The following SYNPR variants were observed in gnomAD, a reference collection of about 807,000 sequenced individuals.
The protein encoded by SYNPR is synaptoporin.
A neutral mutation model predicts 32.9 loss-of-function variants in SYNPR; 23 were observed. The observed-to-expected ratio is 0.70, with a 90% CI of 0.50 to 0.99. The LOEUF (loss-of-function observed/expected upper bound fraction) is 0.99. Among genes scored for constraint, SYNPR ranks in the 50% least tolerant of loss-of-function variants. SYNPR has a pLI of 0.00. For synonymous variants in SYNPR, 146 were observed against 135.9 expected (o/e 1.07, Z -0.52); for missense variants, 318 against 349.3 (o/e 0.91, Z 0.71).
intron 3 of SYNPR, among the ~76,000 whole-genome samples, chr3:63,519,877 A>G (rs1701872678): frequency 6.6e-6 from 1 of 152,264 alleles, no homozygotes; most frequent in African/African-American, 2.4e-5. Context: ...TAACCAAAAA[A>G]GAAAGTATAA....
intron 3 of SYNPR, among the ~76,000 whole-genome samples, chr3:63,547,088 G>T (rs899531441): frequency 6.6e-6 from 1 of 152,022 alleles, no homozygotes; most frequent in East Asian, 1.9e-4. Context: ...AATCCCTGAG[G>T]TTCTCCTAGA....
intron 3 of SYNPR, among the ~76,000 whole-genome samples, chr3:63,520,926 C>G (rs1359533502): frequency 4.4e-5 from 1 of 22,800 alleles, no homozygotes; most frequent in Non-Finnish European, 6.8e-5. Flanking sequence ...TCTTTGGGGC[C>G]CCGTTTTTTG....
At chr3:63,239,455 G>A (rs1327135306) in intron 1 of SYNPR, among the ~76,000 whole-genome samples, 3 of 149,408 alleles carry the variant, frequency 2.0e-5, no homozygotes, top group Non-Finnish European at 4.4e-5. Flanking sequence ...ACCTTACCAT[G>A]AGTGCATGGT....
At chr3:63,274,047 A>T (rs2106911367), upstream of SYNPR, among the ~76,000 whole-genome samples, 1 of 152,328 alleles carries the variant, frequency 6.6e-6, no homozygotes, top group South Asian at 2.1e-4. Flanking sequence ...TTACCTAAGG[A>T]AAGATTTGGA....
chr3:63,417,217 T>A (rs549392456), intron 2 of SYNPR, among the ~76,000 whole-genome samples: 2 of 152,314 alleles, frequency 1.3e-5, no homozygotes, highest in East Asian at 3.9e-4. Context: ...AGAGGCCCCA[T>A]GCAAGTCTAA....
intron 2 of SYNPR, among the ~76,000 whole-genome samples, chr3:63,323,780 G>C (rs1398733056): frequency 1.3e-5 from 2 of 152,040 alleles, no homozygotes; most frequent in African/African-American, 2.4e-5. Context: ...GGTGATAATA[G>C]GACAGGAAAT....
At chr3:63,265,020 G>A (rs945520155) in intron 2 of SYNPR, among the ~76,000 whole-genome samples, 4 of 151,946 alleles carry the variant, frequency 2.6e-5, no homozygotes, top group Non-Finnish European at 5.9e-5. Context: ...GGACACAGCC[G>A]AACCATATCA....
At chr3:63,417,866 T>A (rs903098336) in intron 2 of SYNPR, among the ~76,000 whole-genome samples, 5 of 152,124 alleles carry the variant, frequency 3.3e-5, no homozygotes, top group African/African-American at 1.2e-4. Flanking sequence ...ATGAAACCAC[T>A]TTTTTCCTCC....
chr3:63,292,128 A>G (rs951419662), intron 2 of SYNPR, among the ~76,000 whole-genome samples: 4 of 152,154 alleles, frequency 2.6e-5, no homozygotes, highest in Non-Finnish European at 2.9e-5. Flanking sequence ...TAGTATTATA[A>G]TCTTATGGGA....
intron 2 of SYNPR, among the ~76,000 whole-genome samples, chr3:63,280,270 GT>G (rs2086616259): frequency 6.6e-6 from 1 of 152,146 alleles, no homozygotes; most frequent in African/African-American, 2.4e-5. Flanking sequence ...ATAAAAAGGT[GT>G]TTGTTATCTG....
intron 2 of SYNPR, among the ~76,000 whole-genome samples, chr3:63,400,444 A>G (rs1270147845): frequency 1.3e-5 from 2 of 152,238 alleles, no homozygotes; most frequent in Admixed American, 6.5e-5. Flanking sequence ...ACTCACACCA[A>G]TGGCACGTCA....
chr3:63,582,448 C>T lies in SYNPR; in HGVS notation c.408+25707C>T, dbSNP rs188336592. 1.8e-3 allele frequency among the ~76,000 whole-genome samples: 268 copies of T among 152,118 alleles called. 2 individuals are homozygous for T. The highest frequency in any genetic ancestry group is 6.2e-3 in the African/African-American group (257 of 41,506). On this transcript the variant is annotated intron_variant, in intron 4 of 5. Transcript: ENST00000478300. ...GTCCCCATAGCATAACTACTCATGACCAGATTCTAATAATATGCAAATTTA... is the reference window on the plus strand; with the variant it reads ...GTCCCCATAGCATAACTACTCATGATCAGATTCTAATAATATGCAAATTTA...
At chr3:63,598,539 T>C (rs564812398) in intron 4 of SYNPR, among the ~76,000 whole-genome samples, 94 of 152,280 alleles carry the variant, frequency 6.2e-4, no homozygotes, top group Non-Finnish European at 1.1e-3. Context: ...TCAAAGTTCT[T>C]TGGGTACCGA....
chr3:63,452,049 C>T, intron 2 of SYNPR: 2 of 701,270 alleles, frequency 2.9e-6, no homozygotes, highest in East Asian at 2.7e-5. Context: ...TTTTCTCTTT[C>T]TCCCACTGCC....
At position 63,615,142 on chromosome 3, in the gene SYNPR, T is replaced by A. The variant is rs576441121; in HGVS notation, c.601-82T>A. ...TTAAAGTGAAAAGTGATCTTTTGTATTGTGAAGGATTTTTCCAAAATTGAA... is the reference window on the plus strand; with the variant it reads ...TTAAAGTGAAAAGTGATCTTTTGTAATGTGAAGGATTTTTCCAAAATTGAA... On this transcript the variant is annotated intron_variant, in intron 5 of 5. Coordinates refer to ENST00000478300, the MANE Select transcript of SYNPR (RefSeq NM_001130003.2). 5 of 1,475,726 alleles carry A rather than the reference T, an allele frequency of 3.4e-6. No homozygotes were observed. In the African/African-American group the frequency reaches 7.0e-5, roughly 21 times the overall value. 91.4% of individuals were successfully genotyped at this position (1,475,726 alleles called of 1,614,324 possible).
At position 63,386,630 on chromosome 3, in the gene SYNPR, T is replaced by TCC. The variant is rs59004786; in HGVS notation, c.85-94202_85-94201insCC. 3.8e-3 allele frequency among the ~76,000 whole-genome samples: 573 copies of TCC among 152,122 alleles called. 11 individuals are homozygous for TCC. Among genetic ancestry groups the TCC allele is most frequent in the African/African-American group, 0.013 (541 of 41,472 alleles). On this transcript the variant is annotated intron_variant, in intron 2 of 5. Transcript: ENST00000478300. ...TTCCTTCCTTCCTTCCTTCCTTCCT[T>TCC]TCTTTATTTTCCCTCCTTAGCACAC...
intron 2 of SYNPR, among the ~76,000 whole-genome samples, chr3:63,355,117 A>G (rs1361639055): frequency 6.6e-6 from 1 of 152,070 alleles, no homozygotes; most frequent in Admixed American, 6.6e-5. Flanking sequence ...CGTCTCTACT[A>G]AAAATACAAA....
chr3:63,452,011 C>T (rs1700387552), intron 2 of SYNPR: 3 of 692,344 alleles, frequency 4.3e-6, no homozygotes, highest in Non-Finnish European at 7.9e-6. Flanking sequence ...CTTTCTTCCT[C>T]CCCCAGACCA....
chr3:63,596,725 T>G (rs1699966086), intron 4 of SYNPR, among the ~76,000 whole-genome samples: 1 of 152,116 alleles, frequency 6.6e-6, no homozygotes. Context: ...AGCTGTGGGA[T>G]GGCTTAGCTT....
Sources: gnomAD v4.1 joint callset for allele counts (sites outside exome capture counted in the v4.1 genomes callset) on GRCh38, gnomAD v4.1.1 for gene constraint, MANE v1.5 for transcripts, NCBI Gene and HGNC (gene_info 2026-07-23, HGNC 2026-07-21) for gene names.